Variants in PLEKHM3 observed in about 807,000 individuals in gnomAD.
PLEKHM3 encodes the protein pleckstrin homology domain-containing family M member 3.
PLEKHM3 carries 45 observed loss-of-function variants against 81.8 expected under a neutral mutation model. That is an observed-to-expected ratio of 0.55 (90% CI 0.43 to 0.71). PLEKHM3 has a LOEUF of 0.71. PLEKHM3 is among the 30% of genes least tolerant of loss of function. The pLI is 0.00. For missense variants in PLEKHM3, 788 were observed against 924.3 expected, an observed-to-expected ratio of 0.85 and a Z score of 1.91; for synonymous variants, 352 against 356.4, an observed-to-expected ratio of 0.99 and a Z score of 0.14.
intron 5 of PLEKHM3, among the ~76,000 whole-genome samples, chr2:207,911,960 T>C (rs930039114): frequency 5.9e-5 from 9 of 152,206 alleles, no homozygotes; most frequent in Non-Finnish European, 1.2e-4. Flanking sequence ...ATACAGGATA[T>C]CAGACTTATT....
intron 1 of PLEKHM3, among the ~76,000 whole-genome samples, chr2:208,013,299 C>T (rs184200991): frequency 1.3e-5 from 2 of 152,118 alleles, no homozygotes; most frequent in African/African-American, 2.4e-5. Flanking sequence ...AGGCAGATCA[C>T]GAGGTCAGGA....
chr2:208,021,075 G>A (rs775287044), intron 1 of PLEKHM3, among the ~76,000 whole-genome samples: 4 of 152,152 alleles, frequency 2.6e-5, no homozygotes, highest in Admixed American at 6.5e-5. Context: ...CAAGTCTTAA[G>A]CAAAGGCTAT....
chr2:207,827,649 T>C lies in PLEKHM3; in HGVS notation c.*670A>G, dbSNP rs2105875448. The C allele has an allele frequency of 6.6e-6, 1 of 152,280 alleles. No homozygotes were observed. The highest frequency in any genetic ancestry group is 2.1e-4 in the South Asian group (1 of 4,828). The allele number at this position is 152,280 out of a possible 1,614,324, so 9.4% of individuals were successfully genotyped here. On this transcript the variant is annotated 3_prime_UTR_variant, in exon 8 of 8. Transcript: ENST00000427836. Reference sequence around the variant, plus strand: ...AGGAAAAAAACTTCTGAGATTAACTTCAAAACCAGAACCAGCCCTCCTCAT... The same window carrying C: ...AGGAAAAAAACTTCTGAGATTAACTCCAAAACCAGAACCAGCCCTCCTCAT...
At chr2:207,837,587 G>A (rs2092326102) in intron 7 of PLEKHM3, among the ~76,000 whole-genome samples, 1 of 149,084 alleles carries the variant, frequency 6.7e-6, no homozygotes, top group African/African-American at 2.5e-5. Flanking sequence ...GCGACAGAGC[G>A]ACACTTCATC....
At chr2:207,912,187 T>C (rs1192602376) in intron 5 of PLEKHM3, among the ~76,000 whole-genome samples, 1 of 152,242 alleles carries the variant, frequency 6.6e-6, no homozygotes, top group Non-Finnish European at 1.5e-5. Flanking sequence ...CAAACACTAT[T>C]CATTATTCTT....
intron 6 of PLEKHM3, among the ~76,000 whole-genome samples, chr2:207,878,532 C>T (rs2092570694): frequency 6.6e-6 from 1 of 152,304 alleles, no homozygotes; most frequent in South Asian, 2.1e-4. Flanking sequence ...CGCTTGAACC[C>T]AGGAGGTGGA....
chr2:207,989,219 G>A (rs1182714255), intron 2 of PLEKHM3, among the ~76,000 whole-genome samples: 2 of 152,172 alleles, frequency 1.3e-5, no homozygotes, highest in Non-Finnish European at 2.9e-5. Flanking sequence ...GACACAGATC[G>A]TGTCAACAGA....
intron 7 of PLEKHM3, among the ~76,000 whole-genome samples, chr2:207,837,758 T>C (rs28382391): frequency 0.66 from 75,606 of 115,130 alleles, 25,457 homozygotes; most frequent in African/African-American, 0.74. Flanking sequence ...GGCCGGTTCT[T>C]CCATTTTTTT....
intron 7 of PLEKHM3, among the ~76,000 whole-genome samples, chr2:207,838,099 G>T (rs1343048759): frequency 1.3e-5 from 2 of 152,040 alleles, no homozygotes; most frequent in African/African-American, 4.8e-5. Context: ...TATTAAGTCA[G>T]TCAGTAAGAA....
intron 7 of PLEKHM3, among the ~76,000 whole-genome samples, chr2:207,833,820 C>T (rs941469668): frequency 1.3e-5 from 2 of 152,224 alleles, no homozygotes; most frequent in Admixed American, 6.5e-5. Context: ...ACACAGGACT[C>T]CCACACTGAA....
rs185038466 is a variant in PLEKHM3, at chr2:207,940,139, G to T, written c.1692+6228C>A. 3.3e-5 allele frequency among the ~76,000 whole-genome samples: 5 copies of T among 152,298 alleles called. No individual in the cohort carries two copies. In the East Asian group the frequency reaches 9.6e-4, roughly 29 times the overall value. ...TGCTTGTCTACTATGTGCCAGAACT[G>T]TGCTAAAACACATTCCGTGTGCCCA... On this transcript the variant is annotated intron_variant, in intron 4 of 7. Coordinates refer to ENST00000427836, the MANE Select transcript of PLEKHM3 (RefSeq NM_001080475.3).
chr2:207,951,352 T>C (rs1204736811), intron 3 of PLEKHM3, among the ~76,000 whole-genome samples: 1 of 152,240 alleles, frequency 6.6e-6, no homozygotes, highest in African/African-American at 2.4e-5. Flanking sequence ...TATATTTTTA[T>C]GTACTTTCAA....
At chr2:208,012,105 G>A (rs572457590) in intron 1 of PLEKHM3, among the ~76,000 whole-genome samples, 9 of 151,666 alleles carry the variant, frequency 5.9e-5, no homozygotes, top group Non-Finnish European at 8.8e-5. Flanking sequence ...CCAGTGGCAC[G>A]ATCTCAGCTC....
chr2:207,903,479 T>C (rs574661842), intron 6 of PLEKHM3, among the ~76,000 whole-genome samples: 2 of 152,298 alleles, frequency 1.3e-5, no homozygotes, highest in African/African-American at 4.8e-5. Context: ...AACTTACATA[T>C]GCCCCCAAAG....
chr2:207,956,468 A>G (rs7567245), intron 3 of PLEKHM3, among the ~76,000 whole-genome samples: 92,985 of 151,576 alleles, frequency 0.61, 29,047 homozygotes, highest in Middle Eastern at 0.79. Context: ...ATGAGACTCC[A>G]TCTCAAAAAA....
chr2:207,878,351 G>A (rs1457624204), intron 6 of PLEKHM3, among the ~76,000 whole-genome samples: 3 of 152,144 alleles, frequency 2.0e-5, no homozygotes, highest in Non-Finnish European at 4.4e-5. Flanking sequence ...GTTCACGCCT[G>A]TAATCTCACC....
chr2:207,849,396 A>T (rs1052819342), intron 7 of PLEKHM3, among the ~76,000 whole-genome samples: 2 of 152,150 alleles, frequency 1.3e-5, no homozygotes, highest in Admixed American at 1.3e-4. Context: ...GTAAGCAGGT[A>T]AGATTTTGGT....
At chr2:207,829,788 C>T (rs1051730605) in intron 7 of PLEKHM3, among the ~76,000 whole-genome samples, 6 of 152,110 alleles carry the variant, frequency 3.9e-5, no homozygotes, top group East Asian at 3.9e-4. Flanking sequence ...AAGAGGGTTG[C>T]GAAGGAACCA....
chr2:207,960,106 G>A (rs1056178117), intron 3 of PLEKHM3, among the ~76,000 whole-genome samples: 2 of 152,116 alleles, frequency 1.3e-5, no homozygotes, highest in African/African-American at 4.8e-5. Context: ...CCTATTATCT[G>A]GAACTCCTGC....
Sources: gnomAD v4.1 joint callset for allele counts (sites outside exome capture counted in the v4.1 genomes callset) on GRCh38, gnomAD v4.1.1 for gene constraint, MANE v1.5 for transcripts, NCBI Gene and HGNC (gene_info 2026-07-23, HGNC 2026-07-21) for gene names.